The following PHRF1 variants were observed in gnomAD, a reference collection of about 807,000 sequenced individuals.
PHRF1 encodes the protein PHD and RING finger domain-containing protein 1.
PHRF1 carries 53 observed loss-of-function variants against 128.9 expected under a neutral mutation model. That is an observed-to-expected ratio of 0.41 (90% CI 0.33 to 0.52). The LOEUF is 0.52. Among genes scored for constraint, PHRF1 ranks in the 20% least tolerant of loss-of-function variants. The pLI, the probability that PHRF1 is intolerant of heterozygous loss-of-function variation, is 0.21. For synonymous variants in PHRF1, 1,178 were observed against 980.6 expected, an observed-to-expected ratio of 1.20 and a Z score of -3.76; for missense variants, 2,503 against 2,284.5, an observed-to-expected ratio of 1.10 and a Z score of -1.95.
chr11:611,978 G>C lies in PHRF1; in HGVS notation c.*201G>C. On this transcript the variant is annotated 3_prime_UTR_variant, in exon 18 of 18. Transcript: ENST00000264555. ...GGTCTGTGCACCTGTGTTGCTCACAGTTGAAAACTGGACACTTTTGTATGT... is the reference window on the plus strand; with the variant it reads ...GGTCTGTGCACCTGTGTTGCTCACACTTGAAAACTGGACACTTTTGTATGT... 1.3e-6 allele frequency: 1 copy of C among 755,938 alleles called. No homozygotes were observed. Among genetic ancestry groups the C allele is most frequent in the Non-Finnish European group, 2.1e-6 (1 of 481,246 alleles). 46.8% of individuals were successfully genotyped at this position (755,938 alleles called of 1,614,324 possible).
chr11:594,777 C>G (rs936707869), intron 6 of PHRF1, among the ~76,000 whole-genome samples: 4 of 152,208 alleles, frequency 2.6e-5, no homozygotes, highest in Non-Finnish European at 5.9e-5. Context: ...GTAGTACCTT[C>G]TAACAAGGCT....
intron 10 of PHRF1, among the ~76,000 whole-genome samples, chr11:603,320 G>GTTGT (rs914603423): frequency 3.9e-5 from 6 of 152,118 alleles, no homozygotes; most frequent in African/African-American, 1.2e-4. Flanking sequence ...CTCACAAAGT[G>GTTGT]TTGTTTGTTT....
chr11:587,412 C>A lies in PHRF1; in HGVS notation c.368C>A (p.Pro123Gln). Reference sequence around the variant, plus strand: ...TTCAGAGACCAGGCCGTGGGGACGCCGGAGAACTGTGCCCATTACTTCTGC... The same window carrying A: ...TTCAGAGACCAGGCCGTGGGGACGCAGGAGAACTGTGCCCATTACTTCTGC... ...NAFRDQAVGT[P>Q]ENCAHYFCLD... Residue 123 changes from proline (P) to glutamine (Q), a missense_variant, in exon 4 of 18, where the codon CCG (proline) becomes CAG (glutamine). By Grantham distance (76) the Pro-to-Gln change is moderately conservative (BLOSUM62 -1). Coordinates refer to ENST00000264555, the MANE Select transcript of PHRF1 (RefSeq NM_001286581.2). 1 of 1,613,752 alleles carries A rather than the reference C, an allele frequency of 6.2e-7. No individual in the cohort carries two copies. Among genetic ancestry groups the A allele is most frequent in the Non-Finnish European group, 8.5e-7 (1 of 1,179,892 alleles).
intron 1 of PHRF1, among the ~76,000 whole-genome samples, chr11:579,092 G>C (rs1396623722): frequency 6.6e-6 from 1 of 152,110 alleles, no homozygotes; most frequent in Non-Finnish European, 1.5e-5. Flanking sequence ...TGCCCACCTT[G>C]GTCTCCCAAA....
chr11:596,986 G>A lies in PHRF1; in HGVS notation c.684G>A (p.Pro228=), dbSNP rs367849960. Residue 228 remains proline (P), a synonymous_variant, in exon 7 of 18, where the codon CCG becomes CCA. Coordinates refer to ENST00000264555, the MANE Select transcript of PHRF1 (RefSeq NM_001286581.2). ...QEVPVDEWFC[P]ECAAPGVVLA... ...TGCCGGTGGACGAGTGGTTCTGCCC[G>A]GAATGTGCTGCGCCTGGTGTTGTCC... The A allele has an allele frequency of 3.0e-5, 48 of 1,613,814 alleles. No homozygotes were observed. The highest frequency in any genetic ancestry group is 1.6e-4 in the Middle Eastern group (1 of 6,062).
At chr11:596,663 C>T (rs1432287376) in intron 6 of PHRF1, among the ~76,000 whole-genome samples, 6 of 152,202 alleles carry the variant, frequency 3.9e-5, no homozygotes, top group African/African-American at 4.8e-5. Flanking sequence ...TACAGACGGC[C>T]GCCTCCCCGC....
intron 1 of PHRF1, 128 bp downstream of exon 1, chr11:576,720 C>T (rs1438716522): frequency 7.0e-5 from 10 of 143,472 alleles, no homozygotes; most frequent in Non-Finnish European, 1.5e-4. Flanking sequence ...GGCCGCGGGC[C>T]GGGAGGGCGG....
chr11:610,612 G>C lies in PHRF1; in HGVS notation c.4528G>C (p.Val1510Leu), dbSNP rs780873259. 3 of 1,606,182 alleles carry C rather than the reference G, an allele frequency of 1.9e-6. No individual in the cohort carries two copies. The highest frequency in any genetic ancestry group is 3.3e-5 in the Admixed American group (2 of 60,002). ...CATCCTTCAGGGGAGCCTGCCGCTAGTGGGCTGTGGGGCAGCACAGACCCT... is the reference window on the plus strand; with the variant it reads ...CATCCTTCAGGGGAGCCTGCCGCTACTGGGCTGTGGGGCAGCACAGACCCT... ...QFILQGSLPLVGCGAAQTLAP... is the reference protein window; with the variant it reads ...QFILQGSLPLLGCGAAQTLAP... Residue 1510 changes from valine to leucine, a missense_variant, in exon 16 of 18, where the codon GTG (valine) becomes CTG (leucine). Physicochemically the swap from Val to Leu is conservative, Grantham distance 32. Coordinates refer to ENST00000264555, the MANE Select transcript of PHRF1 (RefSeq NM_001286581.2).
At position 582,017 on chromosome 11, in the gene PHRF1, T is replaced by A; in HGVS notation, c.150T>A (p.His50Gln). Reference protein sequence around the residue: ...GDSGDDSDSEHGDGTDGEDEG... With the variant: ...GDSGDDSDSEQGDGTDGEDEG... ...CTGGGGACGACAGTGACAGCGAGCATGGAGATGGCACAGACGGAGAAGACG... is the reference window on the plus strand; with the variant it reads ...CTGGGGACGACAGTGACAGCGAGCAAGGAGATGGCACAGACGGAGAAGACG... The change falls in exon 3 of 18, where the codon CAT becomes CAA. Residue 50 changes from histidine to glutamine, a missense_variant. By Grantham distance (24) the His-to-Gln change is conservative. Transcript: ENST00000264555. 1 of 1,608,556 alleles carries A rather than the reference T, an allele frequency of 6.2e-7. No homozygotes were observed. Among genetic ancestry groups the A allele is most frequent in the Non-Finnish European group, 8.5e-7 (1 of 1,177,628 alleles).
chr11:605,510 GTGC>G lies in PHRF1; in HGVS notation c.1335-93_1335-91del, dbSNP rs1855888555. 21 of 1,547,302 alleles carry G rather than the reference GTGC, an allele frequency of 1.4e-5. No individual in the cohort carries two copies. The South Asian group carries it at 1.5e-4, about 11-fold the overall frequency. ...AATCACACGTGCCGCCACATGGCCA[GTGC>G]TCGGCCATCCTCCTCCGTGCCGTCT... On this transcript the variant is annotated intron_variant, in intron 11 of 17. Coordinates refer to ENST00000264555, the MANE Select transcript of PHRF1 (RefSeq NM_001286581.2).
chr11:590,816 G>A (rs1031050454), intron 4 of PHRF1, among the ~76,000 whole-genome samples: 1 of 152,080 alleles, frequency 6.6e-6, no homozygotes, highest in South Asian at 2.1e-4. Context: ...CGATTCTCCT[G>A]CCTCAGCCTC....
chr11:576,699 T>C (rs1194076157), intron 1 of PHRF1, 107 bp downstream of exon 1: 1 of 141,906 alleles, frequency 7.0e-6, no homozygotes, highest in Non-Finnish European at 1.5e-5. Context: ...GGGCGAGGCC[T>C]GCGCCGCGCT....
chr11:577,846 A>T (rs1853977355), intron 1 of PHRF1, among the ~76,000 whole-genome samples: 1 of 152,200 alleles, frequency 6.6e-6, no homozygotes, highest in African/African-American at 2.4e-5. Context: ...AACAGTTGGG[A>T]CTGCCAATGC....
Position 609,721 on chromosome 11 carries a change from G to T in PHRF1, c.4264+1G>T. ...GCCCCCGCCGAGGACAGAGCCCCCC[G>T]TGAGTAGTGCCCCGGCCCCCACCGA... On this transcript the variant is annotated splice_donor_variant, in intron 14 of 17. Coordinates refer to ENST00000264555, the MANE Select transcript of PHRF1 (RefSeq NM_001286581.2). LOFTEE classifies it high-confidence loss of function. 1 of 1,477,066 alleles carries T rather than the reference G, an allele frequency of 6.8e-7. No individual in the cohort carries two copies. The highest frequency in any genetic ancestry group is 8.9e-7 in the Non-Finnish European group (1 of 1,118,324). 91.5% of individuals were successfully genotyped at this position (1,477,066 alleles called of 1,614,324 possible).
At position 592,661 on chromosome 11, in the gene PHRF1, G is replaced by A. The variant is rs998184843; in HGVS notation, c.607G>A (p.Gly203Ser). 1.4e-5 allele frequency: 23 copies of A among 1,613,904 alleles called. No individual in the cohort carries two copies. In the East Asian group the frequency reaches 2.0e-4, roughly 14 times the overall value. ...TGAGGACAGGCTTTTGCTCTGCGAC[G>A]GCTGCGATGCGGGGTAAGGGACGGT... ...DREDRLLLCD[G>S]CDAGYHMECL... is the part of the protein sequence containing the mutation. The change falls in exon 6 of 18, where the codon GGC becomes AGC. Residue 203 changes from glycine to serine, a missense_variant. Physicochemically the swap from Gly to Ser is moderately conservative, Grantham distance 56. Transcript: ENST00000264555.
chr11:610,898 G>A, intron 16 of PHRF1, 56 bp from the exon 17 acceptor site: 1 of 1,601,560 alleles, frequency 6.2e-7, no homozygotes, highest in Non-Finnish European at 8.5e-7. Context: ...CAGTGCCTCT[G>A]GCCAGAGGGA....
chr11:612,200 T>C lies in PHRF1; in HGVS notation c.*423T>C, dbSNP rs1392901309. Reference sequence around the variant, plus strand: ...TGTACCTTTGGCTCTGAATTAGGAATATCTTTACTTTCTCTTTTCCAATTA... The same window carrying C: ...TGTACCTTTGGCTCTGAATTAGGAACATCTTTACTTTCTCTTTTCCAATTA... On this transcript the variant is annotated 3_prime_UTR_variant, in exon 18 of 18. Transcript: ENST00000264555. 2.0e-5 allele frequency: 6 copies of C among 296,994 alleles called. No individual in the cohort carries two copies. Among genetic ancestry groups the C allele is most frequent in the Non-Finnish European group, 3.8e-5 (6 of 158,504 alleles). 18.4% of individuals were successfully genotyped at this position (296,994 alleles called of 1,614,324 possible).
rs757452468 is a variant in PHRF1 at position 611,619 on chromosome 11, C to T, written c.4807-15C>T. On this transcript the variant is annotated splice_polypyrimidine_tract_variant and intron_variant, in intron 17 of 17. Coordinates refer to ENST00000264555, the MANE Select transcript of PHRF1 (RefSeq NM_001286581.2). ...GATGTGAAAGGGCATTTGGTGATTG[C>T]ACCTCTTTCTCCAGATCTGCCACAG... The T allele has an allele frequency of 1.2e-6, 2 of 1,612,772 alleles. No individual in the cohort carries two copies. The highest frequency in any genetic ancestry group is 1.7e-6 in the Non-Finnish European group (2 of 1,179,782).
At chr11:583,350 A>C (rs112681023) in intron 3 of PHRF1, among the ~76,000 whole-genome samples, 1 of 151,342 alleles carries the variant, frequency 6.6e-6, no homozygotes, top group Non-Finnish European at 1.5e-5. Context: ...AAAAACAAAC[A>C]AAAAAACCCC....
Sources: allele counts gnomAD v4.1 joint callset (sites outside exome capture counted in the v4.1 genomes callset), GRCh38; gene constraint gnomAD v4.1.1; transcripts MANE v1.5; gene names NCBI Gene and HGNC (gene_info 2026-07-23, HGNC 2026-07-21).